The following RAB8B variants were observed in gnomAD, a reference collection of about 807,000 sequenced individuals.
RAB8B encodes ras-related protein Rab-8B.
Under a neutral mutation model 32.0 loss-of-function variants are expected in RAB8B, and 11 were observed. That is an observed-to-expected ratio of 0.34 (90% CI 0.22 to 0.57). RAB8B has a LOEUF of 0.57. Among genes scored for constraint, RAB8B ranks in the 20% least tolerant of loss-of-function variants. RAB8B has a pLI of 0.86. For synonymous variants in RAB8B, 103 were observed against 89.6 expected (o/e 1.15, Z -0.85); for missense variants, 190 against 258.5 (o/e 0.73, Z 1.82).
intron 1 of RAB8B, among the ~76,000 whole-genome samples, chr15:63,227,598 A>G (rs1395090131): frequency 6.6e-6 from 1 of 152,222 alleles, no homozygotes; most frequent in Non-Finnish European, 1.5e-5. Flanking sequence ...GTTTTCCTCA[A>G]CCGTTCATGT....
chr15:63,262,992 TAATG>T (rs2038214914), intron 7 of RAB8B, among the ~76,000 whole-genome samples: 1 of 152,168 alleles, frequency 6.6e-6, no homozygotes, highest in Non-Finnish European at 1.5e-5. Flanking sequence ...ATGAAAATAA[TAATG>T]GCACAAATTC....
At chr15:63,226,118 G>T (rs1015322134) in intron 1 of RAB8B, among the ~76,000 whole-genome samples, 1 of 152,170 alleles carries the variant, frequency 6.6e-6, no homozygotes, top group Non-Finnish European at 1.5e-5. Context: ...GGGATTACAG[G>T]TGTGAGCCAC....
intron 2 of RAB8B, among the ~76,000 whole-genome samples, chr15:63,245,041 A>G (rs571288641): frequency 6.6e-6 from 1 of 152,250 alleles, no homozygotes; most frequent in Middle Eastern, 3.2e-3. Context: ...GAGATCTGAT[A>G]GCTCATCTTT....
chr15:63,234,339 C>T (rs375306128), intron 1 of RAB8B, among the ~76,000 whole-genome samples: 53 of 152,336 alleles, frequency 3.5e-4, no homozygotes, highest in African/African-American at 1.3e-3. Context: ...TCCCTATTCT[C>T]TTGAAACAGA....
chr15:63,262,641 AC>A, intron 6 of RAB8B, 50 bp from the exon 7 acceptor site: 1 of 521,462 alleles, frequency 1.9e-6, no homozygotes, highest in Non-Finnish European at 2.9e-6. Context: ...ATATATATAT[AC>A]ATATATATAG....
intron 1 of RAB8B, among the ~76,000 whole-genome samples, chr15:63,224,917 T>C (rs989264648): frequency 1.3e-5 from 2 of 152,176 alleles, no homozygotes; most frequent in South Asian, 4.1e-4. Flanking sequence ...AGATCAGATA[T>C]CAGAGATGGG....
In RAB8B at chr15:63,265,553, A is replaced by C. The variant is rs1567023289; in HGVS notation, c.*1934A>C. 2 of 152,596 alleles carry C rather than the reference A, an allele frequency of 1.3e-5. No individual in the cohort carries two copies. Among genetic ancestry groups the C allele is most frequent in the Non-Finnish European group, 2.9e-5 (2 of 68,010 alleles). 9.5% of individuals were successfully genotyped at this position (152,596 alleles called of 1,614,324 possible). A position where few individuals can be genotyped will look rare whatever the true frequency, so the allele number is the denominator to read the frequency against. ...CTTAATATTCACTATTTCCTGAAAA[A>C]ATCCAAGCAGTTAACGCTTTCTGGA... On this transcript the variant is annotated 3_prime_UTR_variant, in exon 8 of 8. Coordinates refer to ENST00000321437, the MANE Select transcript of RAB8B (RefSeq NM_016530.3). The surrounding 1 kb of genome is among the most constrained non-coding windows in gnomAD (Gnocchi z 4.9).
rs528637988 is a variant in RAB8B, at chr15:63,266,518, A to G, written c.*2899A>G. ...ACTATACTCTTTACTTTGAAGGTCT[A>G]TTTTTTAATTATACCTCATTTAGCT... On this transcript the variant is annotated 3_prime_UTR_variant, in exon 8 of 8. Coordinates refer to ENST00000321437, the MANE Select transcript of RAB8B (RefSeq NM_016530.3). The G allele has an allele frequency of 6.6e-6, 1 of 152,654 alleles. No homozygotes were observed. The highest frequency in any genetic ancestry group is 6.5e-5 in the Admixed American group (1 of 15,280). The allele number at this position is 152,654 out of a possible 1,614,324, so 9.5% of individuals were successfully genotyped here. A position where few individuals can be genotyped will look rare whatever the true frequency, so the allele number is the denominator to read the frequency against.
chr15:63,256,011 C>A (rs1415971843), intron 4 of RAB8B, among the ~76,000 whole-genome samples: 3 of 152,156 alleles, frequency 2.0e-5, no homozygotes, highest in African/African-American at 7.2e-5. Context: ...GACATTTTCT[C>A]CATCTTAGAT....
chr15:63,249,576 C>T (rs1482926237), intron 2 of RAB8B, 69 bp from the exon 3 acceptor site: 14 of 1,423,180 alleles, frequency 9.8e-6, no homozygotes, highest in Non-Finnish European at 1.3e-5. Context: ...ACATCTCCTA[C>T]AGCAGGGTTT....
intron 4 of RAB8B, among the ~76,000 whole-genome samples, chr15:63,256,053 G>A (rs905550354): frequency 8.5e-5 from 13 of 152,126 alleles, no homozygotes; most frequent in African/African-American, 2.9e-4. Flanking sequence ...CAGGATAATT[G>A]GTATTAAGAT....
At chr15:63,209,897 C>T (rs1260592239) in intron 1 of RAB8B, among the ~76,000 whole-genome samples, 1 of 152,038 alleles carries the variant, frequency 6.6e-6, no homozygotes, top group African/African-American at 2.4e-5. Flanking sequence ...CTCTGCCTCC[C>T]CTTGCCCCCC....
Position 63,209,142 on chromosome 15 carries a change from C to T in RAB8B, c.124+19394C>T, listed in dbSNP as rs538944134. 4.6e-5 allele frequency among the ~76,000 whole-genome samples: 7 copies of T among 152,112 alleles called. No individual in the cohort carries two copies. In the South Asian group the frequency reaches 6.2e-4, roughly 14 times the overall value. On this transcript the variant is annotated intron_variant, in intron 1 of 7. Transcript: ENST00000321437. ...CTGAGCTCACGCAATCTACCTGCCT[C>T]GGCCTCCCAAAGTGCTGGGACCCAC...
chr15:63,212,670 TA>T (rs915868061), intron 1 of RAB8B, among the ~76,000 whole-genome samples: 3 of 152,210 alleles, frequency 2.0e-5, no homozygotes, highest in Non-Finnish European at 2.9e-5. Context: ...AAAATTTTTG[TA>T]CGTGATGAGG....
intron 1 of RAB8B, among the ~76,000 whole-genome samples, chr15:63,199,000 C>G (rs1291527807): frequency 6.6e-6 from 1 of 152,182 alleles, no homozygotes; most frequent in Non-Finnish European, 1.5e-5. Flanking sequence ...TGGTTTTCAA[C>G]AAGGAATCGT....
At chr15:63,196,535 A>G (rs567942741) in intron 1 of RAB8B, among the ~76,000 whole-genome samples, 1 of 152,200 alleles carries the variant, frequency 6.6e-6, no homozygotes, top group African/African-American at 2.4e-5. Flanking sequence ...AGTTGCTGTG[A>G]GCTCCTTAAG....
chr15:63,260,306 C>T (rs753595599), intron 6 of RAB8B, among the ~76,000 whole-genome samples: 14 of 152,204 alleles, frequency 9.2e-5, no homozygotes, highest in Non-Finnish European at 1.9e-4. Flanking sequence ...ATCCTGTGCT[C>T]ATTCATGTCA....
At position 63,259,489 on chromosome 15, in the gene RAB8B, A is replaced by G; in HGVS notation, c.415-138A>G. ...ATTAAATTCTGAATACAGTAGAAGA[A>G]AGCAAAGAAATTTGAGAACCACAGG... On this transcript the variant is annotated intron_variant, in intron 5 of 7. Transcript: ENST00000321437. This position sits in a 1 kb window ranked among gnomAD's most constrained non-coding sequence, Gnocchi z 4.4. The G allele has an allele frequency of 1.5e-6, 1 of 672,442 alleles. No homozygotes were observed. Among genetic ancestry groups the G allele is most frequent in the Admixed American group, 2.8e-5 (1 of 35,988 alleles). 41.7% of individuals were successfully genotyped at this position (672,442 alleles called of 1,614,324 possible).
chr15:63,259,959 C>T lies in RAB8B; in HGVS notation c.480+267C>T, dbSNP rs2038189890. On this transcript the variant is annotated intron_variant, in intron 6 of 7. Coordinates refer to ENST00000321437, the MANE Select transcript of RAB8B (RefSeq NM_016530.3). This position sits in a 1 kb window ranked among gnomAD's most constrained non-coding sequence, Gnocchi z 4.4. ...AAGCGATTCTCCTGCCTCAGCCTCC[C>T]GAGTAGCTGGTACTATAGGTGTGCA... Among the ~76,000 whole-genome samples, 1 of 152,040 alleles carries T rather than the reference C, an allele frequency of 6.6e-6. No homozygotes were observed. Among genetic ancestry groups the T allele is most frequent in the Admixed American group, 6.6e-5 (1 of 15,262 alleles).
Sources: gnomAD v4.1 joint callset for allele counts (sites outside exome capture counted in the v4.1 genomes callset) on GRCh38, gnomAD v4.1.1 for gene constraint, Gnocchi (gnomAD v3.1) non-coding constraint, MANE v1.5 for transcripts, NCBI Gene and HGNC (gene_info 2026-07-23, HGNC 2026-07-21) for gene names.